NAV2: variants seen among roughly 807,000 people sequenced by gnomAD.
The protein encoded by NAV2 is neuron navigator 2.
A neutral mutation model predicts 223.2 loss-of-function variants in NAV2; 54 were observed. That is an observed-to-expected ratio of 0.24 (90% CI 0.19 to 0.30). The LOEUF is 0.30. Ranked by LOEUF, NAV2 falls within the 10% of genes least tolerant of loss-of-function variation. The pLI is 1.00. For synonymous variants in NAV2, 1,279 were observed against 1,239.3 expected, an observed-to-expected ratio of 1.03 and a Z score of -0.67; for missense variants, 2,806 against 3,147.5, an observed-to-expected ratio of 0.89 and a Z score of 2.60.
chr11:19,784,354 C>T (rs1440686011), intron 1 of NAV2, among the ~76,000 whole-genome samples: 2 of 128,058 alleles, frequency 1.6e-5, no homozygotes, highest in Non-Finnish European at 3.1e-5. Flanking sequence ...CACCATTGCA[C>T]TCCAGCCTGG....
At chr11:19,594,433 T>TG (rs1251346801) in intron 1 of NAV2, among the ~76,000 whole-genome samples, 1 of 152,066 alleles carries the variant, frequency 6.6e-6, no homozygotes, top group Non-Finnish European at 1.5e-5. Flanking sequence ...GGGGACTTTT[T>TG]TTTTTTTTTT....
At chr11:19,406,567 C>T (rs1250845436) in intron 1 of NAV2, among the ~76,000 whole-genome samples, 1 of 152,132 alleles carries the variant, frequency 6.6e-6, no homozygotes, top group Non-Finnish European at 1.5e-5. Flanking sequence ...TATCCCTGCC[C>T]CGCCAATGAA....
chr11:19,766,224 A>G (rs1441367270), intron 1 of NAV2, among the ~76,000 whole-genome samples: 1 of 152,112 alleles, frequency 6.6e-6, no homozygotes, highest in East Asian at 1.9e-4. Context: ...CTCTTTTTAA[A>G]TCCTCAGCCC....
At chr11:19,374,726 C>G (rs1025478414) in intron 1 of NAV2, among the ~76,000 whole-genome samples, 1 of 152,118 alleles carries the variant, frequency 6.6e-6, no homozygotes, top group South Asian at 2.1e-4. Flanking sequence ...ATCATGAATT[C>G]AGGAGAGATC....
intron 1 of NAV2, among the ~76,000 whole-genome samples, chr11:19,731,826 G>A (rs561403121): frequency 6.6e-6 from 1 of 152,322 alleles, no homozygotes; most frequent in Non-Finnish European, 1.5e-5. Context: ...AACATGTATT[G>A]CTAACTGCAG....
At chr11:19,398,993 A>G (rs1279750500) in intron 1 of NAV2, among the ~76,000 whole-genome samples, 1 of 152,134 alleles carries the variant, frequency 6.6e-6, no homozygotes, top group African/African-American at 2.4e-5. Context: ...CAGTTTGCCT[A>G]TTGGCTCTTT....
chr11:19,621,657 T>G (rs2047000040), intron 1 of NAV2, among the ~76,000 whole-genome samples: 2 of 152,228 alleles, frequency 1.3e-5, no homozygotes, highest in Admixed American at 6.5e-5. Flanking sequence ...TCCTTCTTTA[T>G]TAGTCTTGCT....
intron 6 of NAV2, among the ~76,000 whole-genome samples, chr11:19,893,767 C>A (rs2041712429): frequency 1.3e-5 from 2 of 152,188 alleles, no homozygotes; most frequent in African/African-American, 4.8e-5. Flanking sequence ...GTCATCCAGC[C>A]CTTAGTTTCT....
At chr11:19,961,116 T>G (rs550389856) in intron 10 of NAV2, among the ~76,000 whole-genome samples, 1 of 151,978 alleles carries the variant, frequency 6.6e-6, no homozygotes, top group Admixed American at 6.6e-5. Context: ...ATTTAAAATT[T>G]TTTTCTCTTT....
chr11:19,476,355 T>C (rs2042114771), intron 1 of NAV2, among the ~76,000 whole-genome samples: 1 of 152,140 alleles, frequency 6.6e-6, no homozygotes, highest in African/African-American at 2.4e-5. Context: ...TAATGCAAGC[T>C]AGACCATCAA....
chr11:20,033,444 G>A (rs1181386191), intron 11 of NAV2, among the ~76,000 whole-genome samples: 1 of 152,238 alleles, frequency 6.6e-6, no homozygotes, highest in Non-Finnish European at 1.5e-5. Context: ...GATGATGTGG[G>A]TGGGCTGGAG....
chr11:20,075,209 G>GT (rs1564994379), intron 22 of NAV2, among the ~76,000 whole-genome samples: 1 of 104,972 alleles, frequency 9.5e-6, no homozygotes, highest in Non-Finnish European at 2.1e-5. Flanking sequence ...CATGTTTTTT[G>GT]TTTTTTTGTT....
intron 36 of NAV2, among the ~76,000 whole-genome samples, chr11:20,108,825 G>T (rs1200276898): frequency 6.6e-6 from 1 of 152,108 alleles, no homozygotes; most frequent in African/African-American, 2.4e-5. Context: ...TTGGAACTTG[G>T]GATAGTTTTA....
intron 1 of NAV2, among the ~76,000 whole-genome samples, chr11:19,409,820 T>C (rs140243263): frequency 4.6e-5 from 7 of 152,318 alleles, no homozygotes; most frequent in South Asian, 4.2e-4. Flanking sequence ...TCTTCTGTTG[T>C]AGAGCTGGTA....
chr11:20,063,692 A>C (rs933230868), intron 20 of NAV2, among the ~76,000 whole-genome samples: 32 of 152,288 alleles, frequency 2.1e-4, no homozygotes, highest in Middle Eastern at 3.4e-3. Flanking sequence ...TATGCTATTT[A>C]CTTTAAAAAC....
intron 10 of NAV2, among the ~76,000 whole-genome samples, chr11:19,972,912 G>A (rs1229069706): frequency 6.6e-6 from 1 of 152,126 alleles, no homozygotes; most frequent in Non-Finnish European, 1.5e-5. Context: ...CCTCCTCTGG[G>A]CAAAGTCCTA....
intron 1 of NAV2, among the ~76,000 whole-genome samples, chr11:19,450,549 CA>C (rs1851755398): frequency 1.3e-5 from 2 of 152,166 alleles, no homozygotes; most frequent in Non-Finnish European, 2.9e-5. Flanking sequence ...TTCAAAACAG[CA>C]CATAATTCAG....
chr11:19,962,975 A>T (rs1160512629), intron 10 of NAV2, among the ~76,000 whole-genome samples: 1 of 152,200 alleles, frequency 6.6e-6, no homozygotes, highest in Admixed American at 6.5e-5. Context: ...GAAAGCTCAC[A>T]TACTTGAGCA....
intron 1 of NAV2, among the ~76,000 whole-genome samples, chr11:19,655,547 G>T (rs1295421261): frequency 2.0e-5 from 3 of 152,054 alleles, no homozygotes; most frequent in Non-Finnish European, 4.4e-5. Flanking sequence ...ATACACCATG[G>T]AATACTATGC....
Sources: gnomAD v4.1 joint callset for allele counts (sites outside exome capture counted in the v4.1 genomes callset) on GRCh38, gnomAD v4.1.1 for gene constraint, MANE v1.5 for transcripts, NCBI Gene and HGNC (gene_info 2026-07-23, HGNC 2026-07-21) for gene names.